The following UBE3B variants were observed in gnomAD, a reference collection of about 807,000 sequenced individuals.
The protein encoded by UBE3B is ubiquitin-protein ligase E3B.
Under a neutral mutation model 132.3 loss-of-function variants are expected in UBE3B, and 80 were observed. The ratio of observed to expected loss-of-function variants is 0.60; its 90% CI spans 0.50 to 0.73. The LOEUF (loss-of-function observed/expected upper bound fraction) is 0.73. UBE3B is among the 30% of genes least tolerant of loss of function. The pLI, the probability that UBE3B is intolerant of heterozygous loss-of-function variation, is 0.00. For synonymous variants in UBE3B, 487 were observed against 520.4 expected (o/e 0.94, Z 0.87); for missense variants, 1,196 against 1,362.5 (o/e 0.88, Z 1.92).
In UBE3B at chr12:109,521,641, CATGTAAA is replaced by C; in HGVS notation, c.2364+91_2364+97del. On this transcript the variant is annotated intron_variant, in intron 21 of 27. Transcript: ENST00000342494. The surrounding 1 kb of genome is among the most constrained non-coding windows in gnomAD (Gnocchi z 4.2). ...ATACACATATGTGATCAGGCTTGGC[CATGTAAA>C]CTGTCACTAGGATACAAGCGAGGAC... 1 of 1,220,532 alleles carries C rather than the reference CATGTAAA, an allele frequency of 8.2e-7. No homozygotes were observed. 75.6% of individuals were successfully genotyped at this position (1,220,532 alleles called of 1,614,324 possible). A position where few individuals can be genotyped will look rare whatever the true frequency, so the allele number is the denominator to read the frequency against.
At chr12:109,490,071 A>G (rs1381851380) in intron 8 of UBE3B, 67 bp downstream of exon 8, 4 of 1,479,916 alleles carry the variant, frequency 2.7e-6, no homozygotes, top group Non-Finnish European at 3.8e-6. Flanking sequence ...GGATTTTTAC[A>G]TTTGCATTCA....
At chr12:109,524,527 T>C (rs760555647) in intron 23 of UBE3B, 24 bp downstream of exon 23, 6 of 1,613,042 alleles carry the variant, frequency 3.7e-6, no homozygotes, top group Admixed American at 3.3e-5. Flanking sequence ...TTGGCTGAGC[T>C]CCCTTTCCAC....
At chr12:109,530,939 A>G (rs1349294761) in intron 26 of UBE3B, among the ~76,000 whole-genome samples, 2 of 152,194 alleles carry the variant, frequency 1.3e-5, no homozygotes, top group African/African-American at 2.4e-5. Flanking sequence ...CCCTTTGCCT[A>G]TGCTGGCCTT....
At chr12:109,484,694 A>AT (rs1207696151) in intron 4 of UBE3B, among the ~76,000 whole-genome samples, 7,577 of 126,830 alleles carry the variant, frequency 0.06, 257 homozygotes, top group Middle Eastern at 0.13. Context: ...CCAGCCTCTG[A>AT]TTTTTTTTTT....
At chr12:109,483,755 A>C in intron 3 of UBE3B, 43 bp downstream of exon 3, 1 of 1,574,944 alleles carries the variant, frequency 6.3e-7, no homozygotes, top group South Asian at 1.2e-5. Context: ...TCTGGCTCCC[A>C]ATTAATAGCA....
chr12:109,532,777 C>T (rs938873830), intron 26 of UBE3B, among the ~76,000 whole-genome samples: 1 of 152,242 alleles, frequency 6.6e-6, no homozygotes, highest in Non-Finnish European at 1.5e-5. Context: ...CTGCCGGCAC[C>T]TCAGCCTGCT....
In UBE3B at chr12:109,507,677, T is replaced by G. The variant is rs377095229; in HGVS notation, c.1564T>G (p.Ser522Ala). 75 of 1,613,908 alleles carry G rather than the reference T, an allele frequency of 4.6e-5. No individual in the cohort carries two copies. Among genetic ancestry groups the G allele is most frequent in the Non-Finnish European group, 6.4e-5 (75 of 1,180,022 alleles). The change falls in exon 15 of 28, where the codon TCC becomes GCC. Residue 522 changes from serine (S) to alanine (A), a missense_variant. Transcript: ENST00000342494. The stretch of plus-strand genomic sequence containing the variant: ...ATGCCTGAACAATGACACTGAAGAG[T>G]CCAAGCAACTCTTGGCCATGCTGAT... ...LECLNNDTEE[S>A]KQLLAMLMLF... is the part of the protein sequence containing the mutation.
rs762902019 is a variant in UBE3B, at chr12:109,497,974, T to C, written c.819+51T>C. On this transcript the variant is annotated intron_variant, in intron 10 of 27. Transcript: ENST00000342494. ...TGAAAACCCAATTGTGTTTTTCTTT[T>C]CTTCTTAAACATTAGAAAGTAAAAT... 8 of 1,584,756 alleles carry C rather than the reference T, an allele frequency of 5.0e-6. No individual in the cohort carries two copies. In the Admixed American group the frequency reaches 8.4e-5, roughly 17 times the overall value.
intron 4 of UBE3B, among the ~76,000 whole-genome samples, chr12:109,485,692 G>C (rs1280202373): frequency 6.6e-6 from 1 of 152,204 alleles, no homozygotes; most frequent in African/African-American, 2.4e-5. Flanking sequence ...ACAGCAGCAG[G>C]CCTGCAGGAA....
At chr12:109,523,941 C>A in intron 21 of UBE3B, 37 bp from the exon 22 acceptor site, 1 of 1,611,552 alleles carries the variant, frequency 6.2e-7, no homozygotes, top group South Asian at 1.1e-5. Context: ...CATCAGAATC[C>A]TGGCTGATGG....
Position 109,483,462 on chromosome 12 carries a change from T to C in UBE3B, c.-21-69T>C, listed in dbSNP as rs980135888. 14 of 1,474,316 alleles carry C rather than the reference T, an allele frequency of 9.5e-6. No individual in the cohort carries two copies. The African/African-American group carries it at 1.7e-4, about 18-fold the overall frequency. The allele number at this position is 1,474,316 out of a possible 1,614,324, so 91.3% of individuals were successfully genotyped here. On this transcript the variant is annotated intron_variant, in intron 2 of 27. Coordinates refer to ENST00000342494, the MANE Select transcript of UBE3B (RefSeq NM_130466.4). ...CCAGGTCCCTGCCCACCCTCTGCTC[T>C]TGAGCCCCTTTCTGTGTGTGTTTTT...
At position 109,486,013 on chromosome 12, in the gene UBE3B, G is replaced by T. The variant is rs1592880506; in HGVS notation, c.284G>T (p.Arg95Ile). The part of the protein sequence containing the change: ...FLFRIKEDNE[R>I]FEKLCRSILS... Reference sequence around the variant, plus strand: ...AACCCCCAGTGTGTCTCTTTGCAGAGATTTGAGAAGTTGTGTCGCAGCATC... The same window carrying T: ...AACCCCCAGTGTGTCTCTTTGCAGATATTTGAGAAGTTGTGTCGCAGCATC... The change falls in exon 5 of 28, where the codon AGA becomes ATA. Residue 95 changes from arginine to isoleucine, a missense_variant and splice_region_variant. Arg to Ile is a moderately conservative substitution (Grantham distance 97). Coordinates refer to ENST00000342494, the MANE Select transcript of UBE3B (RefSeq NM_130466.4). 4 of 1,553,630 alleles carry T rather than the reference G, an allele frequency of 2.6e-6. No homozygotes were observed. The highest frequency in any genetic ancestry group is 2.0e-5 in the Admixed American group (1 of 51,186).
At chr12:109,495,767 T>C (rs1293794258) in intron 9 of UBE3B, among the ~76,000 whole-genome samples, 1 of 152,210 alleles carries the variant, frequency 6.6e-6, no homozygotes, top group Admixed American at 6.5e-5. Context: ...CAGGAGCAAG[T>C]CCTTAAGGCA....
At chr12:109,515,612 A>G (rs2879107) in intron 18 of UBE3B, among the ~76,000 whole-genome samples, 86,646 of 151,666 alleles carry the variant, frequency 0.57, 25,782 homozygotes, top group African/African-American at 0.73. Context: ...CAGGTGATCC[A>G]CCTGCCTCGG....
chr12:109,478,374 C>T (rs141966647), intron 1 of UBE3B, among the ~76,000 whole-genome samples: 61 of 152,286 alleles, frequency 4.0e-4, no homozygotes, highest in African/African-American at 1.4e-3. Flanking sequence ...TTTGGATATA[C>T]ATGGATTCAG....
At chr12:109,479,395 C>T (rs1284923685) in intron 1 of UBE3B, among the ~76,000 whole-genome samples, 1 of 152,184 alleles carries the variant, frequency 6.6e-6, no homozygotes, top group Non-Finnish European at 1.5e-5. Flanking sequence ...TTAATCCTTT[C>T]AGCAACCCTA....
chr12:109,493,432 A>G (rs1877748578), intron 9 of UBE3B, among the ~76,000 whole-genome samples: 1 of 152,178 alleles, frequency 6.6e-6, no homozygotes, highest in South Asian at 2.1e-4. Flanking sequence ...TTCACATATG[A>G]TTCACCAACA....
At chr12:109,492,397 C>T (rs896169857) in intron 9 of UBE3B, 1 of 146,178 alleles carries the variant, frequency 6.8e-6, no homozygotes, top group Non-Finnish European at 1.6e-5. Context: ...TTGGACAAGG[C>T]TGACCTAGAG....
chr12:109,529,921 C>T lies in UBE3B; in HGVS notation c.2659C>T (p.Arg887Ter). The change falls in exon 25 of 28, where the codon CGA becomes TGA. Residue 887 changes from arginine (R) to a stop codon, truncating the protein, a stop_gained. Transcript: ENST00000342494. LOFTEE classifies it high-confidence loss of function. ...CTACATCCATCTGATGGCACATTTT[C>T]GAATGCACACTCAAATAAAAAACCA... ...ISYIHLMAHF[R>*]MHTQIKNQTA... is the part of the protein sequence containing the mutation. 6.2e-7 allele frequency: 1 copy of T among 1,614,148 alleles called. No homozygotes were observed. Among genetic ancestry groups the T allele is most frequent in the Non-Finnish European group, 8.5e-7 (1 of 1,180,038 alleles).
Sources: gnomAD v4.1 joint callset for allele counts (sites outside exome capture counted in the v4.1 genomes callset) on GRCh38, gnomAD v4.1.1 for gene constraint, Gnocchi (gnomAD v3.1) non-coding constraint, MANE v1.5 for transcripts, NCBI Gene and HGNC (gene_info 2026-07-23, HGNC 2026-07-21) for gene names.